The following MSR1 variants were observed in gnomAD, a reference collection of about 807,000 sequenced individuals.
MSR1 encodes macrophage scavenger receptor 1, also known as macrophage scavenger receptor types I and II.
Under a neutral mutation model 47.2 loss-of-function variants are expected in MSR1, and 53 were observed. The observed-to-expected ratio is 1.12, with a 90% CI of 0.90 to 1.41. The LOEUF (loss-of-function observed/expected upper bound fraction) is 1.41, where lower values mean the gene tolerates loss of function less well. MSR1 is among the 40% of genes most tolerant of loss of function. The probability of loss-of-function intolerance (pLI) is 0.00; values close to 1 mark genes in which losing one functional copy is unlikely to be tolerated. For missense variants in MSR1, 786 were observed against 546.9 expected, an observed-to-expected ratio of 1.44 and a Z score of -4.36; for synonymous variants, 239 against 185.6, an observed-to-expected ratio of 1.29 and a Z score of -2.34.
At chr8:16,164,025 T>A (rs148780356) in intron 5 of MSR1, 40 bp downstream of exon 5, 2 of 1,455,092 alleles carry the variant, frequency 1.4e-6, no homozygotes, top group African/African-American at 2.8e-5. Context: ...TATATTTTAA[T>A]ATATATATCA....
At chr8:16,111,125 C>T (rs777166058) in intron 9 of MSR1, among the ~76,000 whole-genome samples, 28 of 152,052 alleles carry the variant, frequency 1.8e-4, no homozygotes, top group Non-Finnish European at 3.2e-4. Context: ...TATGTGTATA[C>T]GTATTTGTAT....
chr8:16,164,527 A>G (rs1801250334), intron 4 of MSR1, among the ~76,000 whole-genome samples: 1 of 151,978 alleles, frequency 6.6e-6, no homozygotes, highest in East Asian at 1.9e-4. Flanking sequence ...ATATATATAG[A>G]TGTCAAAATT....
Position 16,109,872 on chromosome 8 carries a change from T to C in MSR1, c.*213A>G, listed in dbSNP as rs55877104. On this transcript the variant is annotated 3_prime_UTR_variant, in exon 10 of 10. Coordinates refer to ENST00000262101, the MANE Select transcript of MSR1 (RefSeq NM_138715.3). ...CATATAAGTCATTATATTAGAAAAT[T>C]CCATTTAAAAACCTATAGAAGTTAA... 1 of 603,646 alleles carries C rather than the reference T, an allele frequency of 1.7e-6. No homozygotes were observed. The highest frequency in any genetic ancestry group is 2.8e-6 in the Non-Finnish European group (1 of 354,144). 37.4% of individuals were successfully genotyped at this position (603,646 alleles called of 1,614,324 possible).
At chr8:16,181,939 T>C (rs770576395) in intron 1 of MSR1, among the ~76,000 whole-genome samples, 4 of 152,154 alleles carry the variant, frequency 2.6e-5, no homozygotes, top group Non-Finnish European at 4.4e-5. Context: ...TGTATAGACA[T>C]GTGTCAATTA....
intron 9 of MSR1, among the ~76,000 whole-genome samples, chr8:16,114,980 C>A (rs145607403): frequency 0.044 from 6,632 of 151,498 alleles, 219 homozygotes; most frequent in Middle Eastern, 0.097. Context: ...GAGTTCGAGA[C>A]CAGCCTGACC....
chr8:16,184,796 C>A (rs1290735655), intron 1 of MSR1, among the ~76,000 whole-genome samples: 2 of 151,786 alleles, frequency 1.3e-5, no homozygotes, highest in Admixed American at 6.6e-5. Context: ...AAGTTTCTAA[C>A]CTTTGATTTA....
chr8:16,108,290 T>C lies in MSR1; in HGVS notation c.*1795A>G, dbSNP rs1448458416. Reference sequence around the variant, plus strand: ...AAAATAGTAATAGTAATAGTACTATTATTAGTGTTAATAATACTAATAGTT... The same window carrying C: ...AAAATAGTAATAGTAATAGTACTATCATTAGTGTTAATAATACTAATAGTT... On this transcript the variant is annotated 3_prime_UTR_variant, in exon 10 of 10. Transcript: ENST00000262101. The C allele has an allele frequency of 6.6e-6, 1 of 151,138 alleles. No homozygotes were observed. The highest frequency in any genetic ancestry group is 1.5e-5 in the Non-Finnish European group (1 of 67,812). 9.4% of individuals were successfully genotyped at this position (151,138 alleles called of 1,614,324 possible). A position where few individuals can be genotyped will look rare whatever the true frequency, so the allele number is the denominator to read the frequency against.
At chr8:16,161,759 T>C (rs184951545) in intron 5 of MSR1, among the ~76,000 whole-genome samples, 1 of 152,132 alleles carries the variant, frequency 6.6e-6, no homozygotes, top group African/African-American at 2.4e-5. Flanking sequence ...AAATTGTCTA[T>C]ATATAGTTTT....
At position 16,192,074 on chromosome 8, in the gene MSR1, A is replaced by T. The variant is rs1459999450; in HGVS notation, c.-5+524T>A. ...AAATCATAAGATTCCGGAGCACAAA[A>T]AGAACTATATCTTATTTTTTGTATC... On this transcript the variant is annotated intron_variant, in intron 1 of 9. Transcript: ENST00000262101. Among the ~76,000 whole-genome samples, 14 of 152,258 alleles carry T rather than the reference A, an allele frequency of 9.2e-5. No individual in the cohort carries two copies. In the East Asian group the frequency reaches 2.5e-3, roughly 27 times the overall value.
At chr8:16,131,524 G>T in intron 8 of MSR1, among the ~76,000 whole-genome samples, 1 of 105,648 alleles carries the variant, frequency 9.5e-6, no homozygotes. Flanking sequence ...TGATGCAATT[G>T]CTTTTGGCAT....
chr8:16,136,086 A>G (rs1800382170), intron 8 of MSR1, among the ~76,000 whole-genome samples: 1 of 152,170 alleles, frequency 6.6e-6, no homozygotes, highest in African/African-American at 2.4e-5. Flanking sequence ...TATCATATAG[A>G]TTTAGTTGAC....
chr8:16,175,254 T>A lies in MSR1; in HGVS notation c.150A>T (p.Lys50Asn). The part of the protein sequence containing the change: ...PSLQEKLKSF[K>N]AALIALYLLV... ...GGAGGTAAAGGGCAATCAGTGCAGCTTTGAAGGACTTCAGTTTCTCTTGAA... is the reference window on the plus strand; with the variant it reads ...GGAGGTAAAGGGCAATCAGTGCAGCATTGAAGGACTTCAGTTTCTCTTGAA... The change falls in exon 3 of 10, where the codon AAA (lysine) becomes AAT (asparagine). Residue 50 changes from lysine (K) to asparagine (N), a missense_variant. Transcript: ENST00000262101. 6.2e-7 allele frequency: 1 copy of A among 1,614,110 alleles called. No homozygotes were observed. Among genetic ancestry groups the A allele is most frequent in the Non-Finnish European group, 8.5e-7 (1 of 1,179,998 alleles).
chr8:16,173,929 A>G (rs1162885475), intron 3 of MSR1, among the ~76,000 whole-genome samples: 1 of 152,098 alleles, frequency 6.6e-6, no homozygotes, highest in Non-Finnish European at 1.5e-5. Flanking sequence ...GATTACAGGC[A>G]TGAGCCACCG....
At chr8:16,130,920 T>C (rs1800241235) in intron 8 of MSR1, among the ~76,000 whole-genome samples, 1 of 152,112 alleles carries the variant, frequency 6.6e-6, no homozygotes, top group Admixed American at 6.5e-5. Flanking sequence ...TTTGCTATTG[T>C]GAATAGTGCT....
chr8:16,148,752 G>A (rs1416031818), intron 7 of MSR1, among the ~76,000 whole-genome samples: 1 of 152,060 alleles, frequency 6.6e-6, no homozygotes, highest in African/African-American at 2.4e-5. Context: ...GAGCCACCAC[G>A]CCCAGCCTAA....
chr8:16,170,765 T>C (rs1429527427), intron 3 of MSR1, among the ~76,000 whole-genome samples: 1 of 152,168 alleles, frequency 6.6e-6, no homozygotes, highest in African/African-American at 2.4e-5. Flanking sequence ...GTTCCCTGAT[T>C]CTAGAATCTT....
chr8:16,166,366 T>C (rs1045678998), intron 4 of MSR1, among the ~76,000 whole-genome samples: 7 of 151,470 alleles, frequency 4.6e-5, no homozygotes, highest in African/African-American at 1.7e-4. Context: ...TTTCACTATG[T>C]TGGCCAGACT....
At chr8:16,117,938 C>T (rs533329309) in intron 9 of MSR1, among the ~76,000 whole-genome samples, 2 of 152,240 alleles carry the variant, frequency 1.3e-5, no homozygotes, top group East Asian at 1.9e-4. Context: ...CTTGAACCAT[C>T]CCCAAACCTT....
In MSR1 at chr8:16,120,475, T is replaced by A; in HGVS notation, c.1165A>T (p.Arg389Trp). Residue 389 changes from arginine (R) to tryptophan (W), a missense_variant, in exon 9 of 10, where the codon AGG becomes TGG. Arg to Trp is a moderately radical substitution (Grantham distance 101, BLOSUM62 -3). Transcript: ENST00000262101. ...WEVRVGQVVC[R>W]SLGYPGVQAV... Reference sequence around the variant, plus strand: ...TGAACACCTGGGTATCCCAAGCTCCTACAGACGACCTGTCCAACGCGCACT... The same window carrying A: ...TGAACACCTGGGTATCCCAAGCTCCAACAGACGACCTGTCCAACGCGCACT... The A allele has an allele frequency of 6.2e-7, 1 of 1,613,976 alleles. No homozygotes were observed. The highest frequency in any genetic ancestry group is 8.5e-7 in the Non-Finnish European group (1 of 1,179,928).
Sources: allele counts gnomAD v4.1 joint callset (sites outside exome capture counted in the v4.1 genomes callset), GRCh38; gene constraint gnomAD v4.1.1; transcripts MANE v1.5; gene names NCBI Gene and HGNC (gene_info 2026-07-23, HGNC 2026-07-21).